EIF2AK1: variants seen among roughly 807,000 people sequenced by gnomAD.
The protein encoded by EIF2AK1 is eukaryotic translation initiation factor 2 alpha kinase 1.
EIF2AK1 carries 54 observed loss-of-function variants against 77.9 expected under a neutral mutation model. The observed-to-expected ratio is 0.69, with a 90% CI of 0.56 to 0.87. The LOEUF (loss-of-function observed/expected upper bound fraction) is 0.87. Among genes scored for constraint, EIF2AK1 ranks in the 40% least tolerant of loss-of-function variants. The probability of loss-of-function intolerance (pLI) is 0.00; values close to 1 mark genes in which losing one functional copy is unlikely to be tolerated. For synonymous variants in EIF2AK1, 314 were observed against 290.5 expected, an observed-to-expected ratio of 1.08 and a Z score of -0.82; for missense variants, 810 against 768.6, an observed-to-expected ratio of 1.05 and a Z score of -0.64.
intron 11 of EIF2AK1, among the ~76,000 whole-genome samples, chr7:6,034,180 G>A (rs1409495254): frequency 4.0e-5 from 6 of 151,824 alleles, no homozygotes; most frequent in African/African-American, 7.3e-5. Flanking sequence ...GGTGGCGGGC[G>A]CCTGTAGTCC....
At chr7:6,025,834 T>C (rs1229070072) in intron 14 of EIF2AK1, among the ~76,000 whole-genome samples, 1 of 152,056 alleles carries the variant, frequency 6.6e-6, no homozygotes, top group Non-Finnish European at 1.5e-5. Flanking sequence ...GGTTTCACCA[T>C]GTTGGCCGGG....
chr7:6,049,638 TTTTTTTC>T, intron 3 of EIF2AK1: 3 of 245,182 alleles, frequency 1.2e-5, no homozygotes, highest in East Asian at 8.7e-5. Context: ...TTTTTTTTTT[TTTTTTTC>T]AGGCAGGTTC....
In EIF2AK1 at chr7:6,036,250, T is replaced by C. The variant is rs1178898490; in HGVS notation, c.1332+1174A>G. 6.5e-6 allele frequency: 10 copies of C among 1,550,126 alleles called. No individual in the cohort carries two copies. The highest frequency in any genetic ancestry group is 8.7e-6 in the Non-Finnish European group (10 of 1,146,940). On this transcript the variant is annotated intron_variant, in intron 11 of 14. Coordinates refer to ENST00000199389, the MANE Select transcript of EIF2AK1 (RefSeq NM_014413.4). This position sits in a 1 kb window ranked among gnomAD's most constrained non-coding sequence, Gnocchi z 4.6. ...CTAATAAAGCAATCGCAAAAACCTTTATCCCTACAGGGTATCTGCAAAAGA... is the reference window on the plus strand; with the variant it reads ...CTAATAAAGCAATCGCAAAAACCTTCATCCCTACAGGGTATCTGCAAAAGA...
chr7:6,038,422 G>T, intron 10 of EIF2AK1, 138 bp downstream of exon 10: 1 of 586,490 alleles, frequency 1.7e-6, no homozygotes, highest in Non-Finnish European at 2.9e-6. Flanking sequence ...GCAACAAACA[G>T]AGCAAAGCTC....
chr7:6,051,765 G>A (rs1788613211), intron 2 of EIF2AK1, among the ~76,000 whole-genome samples: 2 of 151,688 alleles, frequency 1.3e-5, no homozygotes, highest in East Asian at 3.9e-4. Flanking sequence ...CTACAGTTAT[G>A]AAAGCCACAT....
chr7:6,048,858 A>G lies in EIF2AK1; in HGVS notation c.412-14T>C. 6.4e-7 allele frequency: 1 copy of G among 1,569,542 alleles called. No individual in the cohort carries two copies. ...CTCACAAGGATCCTACAATTAAAAAATTGTTTTTAAAAAGCATTTTGAAAA... is the reference window on the plus strand; with the variant it reads ...CTCACAAGGATCCTACAATTAAAAAGTTGTTTTTAAAAAGCATTTTGAAAA... On this transcript the variant is annotated splice_polypyrimidine_tract_variant and intron_variant, in intron 3 of 14. Coordinates refer to ENST00000199389, the MANE Select transcript of EIF2AK1 (RefSeq NM_014413.4).
At chr7:6,029,762 C>T (rs955166375) in intron 11 of EIF2AK1, among the ~76,000 whole-genome samples, 1 of 152,038 alleles carries the variant, frequency 6.6e-6, no homozygotes, top group Admixed American at 6.6e-5. Context: ...GCGGGCAAAT[C>T]GCCTGAGGTC....
intron 9 of EIF2AK1, 68 bp downstream of exon 9, chr7:6,040,824 G>A: frequency 7.6e-7 from 1 of 1,307,836 alleles, no homozygotes; most frequent in Non-Finnish European, 1.1e-6. Context: ...GAGAGGGCGA[G>A]AGAAGGCCAC....
At position 6,047,104 on chromosome 7, in the gene EIF2AK1, T is replaced by C. The variant is rs1387396476; in HGVS notation, c.450-13A>G. ...TACTTCCCTTGATCTGAAAGTTAAA[T>C]ACAAACAATCAATATTAAAACATGA... On this transcript the variant is annotated splice_polypyrimidine_tract_variant and intron_variant, in intron 4 of 14. Coordinates refer to ENST00000199389, the MANE Select transcript of EIF2AK1 (RefSeq NM_014413.4). The C allele has an allele frequency of 5.0e-6, 8 of 1,601,756 alleles. No homozygotes were observed. The African/African-American group carries it at 1.1e-4, about 21-fold the overall frequency.
chr7:6,044,541 A>G (rs1384079128), intron 7 of EIF2AK1, 21 bp downstream of exon 7: 1 of 1,606,072 alleles, frequency 6.2e-7, no homozygotes, highest in Admixed American at 1.7e-5. Flanking sequence ...TTCAACTACC[A>G]TACCATCAAA....
chr7:6,023,611 G>C lies in EIF2AK1; in HGVS notation c.*1062C>G. On this transcript the variant is annotated 3_prime_UTR_variant, in exon 15 of 15. Coordinates refer to ENST00000199389, the MANE Select transcript of EIF2AK1 (RefSeq NM_014413.4). ...GCAGATCGGAGGCTGCAGTGTGACA[G>C]TGCCAGCCAATGTGCAGAGGTGGAT... is the stretch of plus-strand genomic sequence containing the variant. 1 of 1,614,240 alleles carries C rather than the reference G, an allele frequency of 6.2e-7. No individual in the cohort carries two copies. The highest frequency in any genetic ancestry group is 8.5e-7 in the Non-Finnish European group (1 of 1,180,044).
chr7:6,029,190 TC>T (rs1476185180), intron 11 of EIF2AK1, among the ~76,000 whole-genome samples, 158 bp from the exon 12 acceptor site: 1 of 152,184 alleles, frequency 6.6e-6, no homozygotes, highest in African/African-American at 2.4e-5. Flanking sequence ...ATCAGAATCA[TC>T]CAGGAGTTTT....
chr7:6,044,704 T>C (rs937259649), intron 6 of EIF2AK1, 43 bp from the exon 7 acceptor site: 2 of 1,558,608 alleles, frequency 1.3e-6, no homozygotes, highest in Middle Eastern at 1.7e-4. Flanking sequence ...GCTGATAACT[T>C]GTTAAATGTT....
intron 11 of EIF2AK1, among the ~76,000 whole-genome samples, chr7:6,034,781 T>C (rs1311465868): frequency 1.3e-5 from 2 of 152,218 alleles, no homozygotes; most frequent in African/African-American, 4.8e-5. Context: ...TGAAAGCGCT[T>C]CTGAGATGAG....
chr7:6,031,680 C>A, intron 11 of EIF2AK1: 2 of 1,322,576 alleles, frequency 1.5e-6, no homozygotes, highest in South Asian at 1.3e-5. Context: ...CCACTAAGCT[C>A]ACGGCCCTTA....
At position 6,047,225 on chromosome 7, in the gene EIF2AK1, G is replaced by A. The variant is rs1468359187; in HGVS notation, c.450-134C>T. ...AGCTGTGCTGATTTGGAAAGGATGG[G>A]CTAAAATGAAATTTTTCATCCCTAT... On this transcript the variant is annotated intron_variant, in intron 4 of 14. Transcript: ENST00000199389. The A allele has an allele frequency of 7.3e-6, 7 of 957,700 alleles. No homozygotes were observed. In the South Asian group the frequency reaches 8.3e-5, roughly 11 times the overall value. 59.3% of individuals were successfully genotyped at this position (957,700 alleles called of 1,614,324 possible).
At position 6,036,249 on chromosome 7, in the gene EIF2AK1, T is replaced by G. The variant is rs1788088323; in HGVS notation, c.1332+1175A>C. 2.6e-6 allele frequency: 4 copies of G among 1,550,078 alleles called. No homozygotes were observed. The highest frequency in any genetic ancestry group is 3.5e-6 in the Non-Finnish European group (4 of 1,146,920). The stretch of plus-strand genomic sequence containing the variant: ...CCTAATAAAGCAATCGCAAAAACCT[T>G]TATCCCTACAGGGTATCTGCAAAAG... On this transcript the variant is annotated intron_variant, in intron 11 of 14. Transcript: ENST00000199389. The surrounding 1 kb of genome is among the most constrained non-coding windows in gnomAD (Gnocchi z 4.6).
intron 1 of EIF2AK1, among the ~76,000 whole-genome samples, chr7:6,057,335 A>T (rs1256566485): frequency 6.6e-6 from 1 of 151,932 alleles, no homozygotes; most frequent in East Asian, 1.9e-4. Context: ...AAACCATTTC[A>T]ACTCGGTTTG....
In EIF2AK1 at chr7:6,023,285, C is replaced by A. The variant is rs758529606; in HGVS notation, c.*1388G>T. 6.4e-7 allele frequency: 1 copy of A among 1,571,470 alleles called. No homozygotes were observed. The highest frequency in any genetic ancestry group is 1.2e-5 in the South Asian group (1 of 84,236). Reference sequence around the variant, plus strand: ...GGGCTGCTCTGGTGATGCTACCTGGCGTGTTTTTTCTTTTCAGTGCCGAAG... The same window carrying A: ...GGGCTGCTCTGGTGATGCTACCTGGAGTGTTTTTTCTTTTCAGTGCCGAAG... On this transcript the variant is annotated 3_prime_UTR_variant, in exon 15 of 15. Transcript: ENST00000199389.
Sources: allele counts gnomAD v4.1 joint callset (sites outside exome capture counted in the v4.1 genomes callset), GRCh38; gene constraint gnomAD v4.1.1; non-coding constraint Gnocchi (gnomAD v3.1); transcripts MANE v1.5; gene names NCBI Gene and HGNC (gene_info 2026-07-23, HGNC 2026-07-21).